Variants in EDEM2 observed in about 807,000 individuals in gnomAD.
EDEM2 encodes ER degradation enhancing alpha-mannosidase like protein 2.
A neutral mutation model predicts 64.8 loss-of-function variants in EDEM2; 39 were observed. The ratio of observed to expected loss-of-function variants is 0.60; its 90% CI spans 0.47 to 0.79. EDEM2 has a LOEUF of 0.79. EDEM2 is among the 30% of genes least tolerant of loss of function. The probability of loss-of-function intolerance (pLI) is 0.00; values close to 1 mark genes in which losing one functional copy is unlikely to be tolerated. For missense variants in EDEM2, 609 were observed against 731.3 expected (o/e 0.83, Z 1.93); for synonymous variants, 296 against 291.5 (o/e 1.02, Z -0.16).
intron 8 of EDEM2, 130 bp downstream of exon 8, chr20:35,126,121 C>T: frequency 1.6e-6 from 2 of 1,220,648 alleles, no homozygotes; most frequent in East Asian, 5.0e-5. Flanking sequence ...GTCTCTCTTC[C>T]ATCCTCAACC....
At chr20:35,137,743 G>A in intron 5 of EDEM2, 137 bp downstream of exon 5, 1 of 1,268,456 alleles carries the variant, frequency 7.9e-7, no homozygotes, top group African/African-American at 1.5e-5. Flanking sequence ...TCCATGGTGG[G>A]TGCCTGGTGG....
rs546872041 is a variant in EDEM2 at position 35,124,157 on chromosome 20, CCAGTTACT to C, written c.970-131_970-124del. ...GGCCTTGAATCAATCCCTGAGTCTG[CCAGTTACT>C]CAGTGTGGTGCTGAGCCAGGCACTG... On this transcript the variant is annotated intron_variant, in intron 8 of 10. Coordinates refer to ENST00000374492, the MANE Select transcript of EDEM2 (RefSeq NM_018217.3). 8.9e-6 allele frequency: 11 copies of C among 1,237,284 alleles called. No individual in the cohort carries two copies. The Admixed American group carries it at 2.4e-4, about 27-fold the overall frequency. 76.6% of individuals were successfully genotyped at this position (1,237,284 alleles called of 1,614,324 possible).
intron 3 of EDEM2, among the ~76,000 whole-genome samples, chr20:35,143,042 G>A (rs571557520): frequency 6.6e-6 from 1 of 152,146 alleles, no homozygotes; most frequent in East Asian, 1.9e-4. Flanking sequence ...AGGTGTGAGC[G>A]ACCGCACCTG....
intron 4 of EDEM2, 52 bp downstream of exon 4, chr20:35,142,321 A>T: frequency 6.9e-7 from 1 of 1,449,424 alleles, no homozygotes; most frequent in Non-Finnish European, 9.6e-7. Context: ...TGGTTTACAG[A>T]GGCAACTTCA....
intron 9 of EDEM2, among the ~76,000 whole-genome samples, chr20:35,121,404 C>T (rs148850517): frequency 1.3e-5 from 2 of 152,122 alleles, no homozygotes; most frequent in South Asian, 2.1e-4. Flanking sequence ...AGACAAGAGG[C>T]GGAGCTCAGG....
At chr20:35,133,984 TC>T (rs1347838520) in intron 6 of EDEM2, 3 of 410,648 alleles carry the variant, frequency 7.3e-6, no homozygotes, top group Non-Finnish European at 1.4e-5. Flanking sequence ...TCACACAGTT[TC>T]GATGTAGCAA....
chr20:35,144,436 C>A (rs1003912936), intron 3 of EDEM2, among the ~76,000 whole-genome samples: 2 of 152,166 alleles, frequency 1.3e-5, no homozygotes, highest in Non-Finnish European at 2.9e-5. Flanking sequence ...CGGGTTCAGG[C>A]AATTCTCCTG....
intron 5 of EDEM2, among the ~76,000 whole-genome samples, chr20:35,136,386 G>A (rs1329905138): frequency 6.6e-6 from 1 of 152,174 alleles, no homozygotes; most frequent in Non-Finnish European, 1.5e-5. Flanking sequence ...CATGAGCCAT[G>A]AGCCATGAGT....
At chr20:35,147,003 C>G in intron 1 of EDEM2, 68 bp from the exon 2 acceptor site, 1 of 1,569,838 alleles carries the variant, frequency 6.4e-7, no homozygotes, top group South Asian at 1.2e-5. Flanking sequence ...GAACAAGATA[C>G]AGGGCGGAAA....
rs1170857871 is a variant in EDEM2, at chr20:35,134,764, A to G, written c.676T>C (p.Trp226Arg). ...AGCCCGATATCTGACCGGCTCTCCCAGAGGCGCATCAAAGCCACTCTGGCC... is the reference window on the plus strand; with the variant it reads ...AGCCCGATATCTGACCGGCTCTCCCGGAGGCGCATCAAAGCCACTCTGGCC... ...DVARVALMRLWESRSDIGLVG... is the reference protein window; with the variant it reads ...DVARVALMRLRESRSDIGLVG... The change falls in exon 6 of 11, where the codon TGG becomes CGG. Residue 226 changes from tryptophan to arginine, a missense_variant. Physicochemically the swap from Trp to Arg is moderately radical, Grantham distance 101. Transcript: ENST00000374492. The G allele has an allele frequency of 1.9e-6, 3 of 1,613,482 alleles. No individual in the cohort carries two copies. The highest frequency in any genetic ancestry group is 2.5e-6 in the Non-Finnish European group (3 of 1,180,016).
In EDEM2 at chr20:35,132,390, T is replaced by C. The variant is rs894266499; in HGVS notation, c.703-607A>G. 4.6e-5 allele frequency among the ~76,000 whole-genome samples: 7 copies of C among 152,108 alleles called. No homozygotes were observed. The East Asian group carries it at 5.8e-4, about 13-fold the overall frequency. ...AATGCCGGCCAGGCGCGGTGGCTCA[T>C]GCCTATAATCCCAGCACGTTGGGAG... On this transcript the variant is annotated intron_variant, in intron 6 of 10. Transcript: ENST00000374492.
At chr20:35,132,244 C>T (rs886192544) in intron 6 of EDEM2, among the ~76,000 whole-genome samples, 5 of 151,662 alleles carry the variant, frequency 3.3e-5, no homozygotes, top group Admixed American at 2.0e-4. Context: ...GGAGAGAAAC[C>T]GAATAGCTGG....
At chr20:35,143,866 A>G (rs529868766) in intron 3 of EDEM2, among the ~76,000 whole-genome samples, 1 of 149,902 alleles carries the variant, frequency 6.7e-6, no homozygotes, top group East Asian at 2.0e-4. Context: ...GAGCCACCAC[A>G]CCTGGCCCTT....
intron 7 of EDEM2, among the ~76,000 whole-genome samples, chr20:35,128,291 G>C (rs990706629): frequency 6.6e-6 from 1 of 151,054 alleles, no homozygotes; most frequent in African/African-American, 2.5e-5. Flanking sequence ...GCTGAGGCAG[G>C]AGAATGGCGT....
At chr20:35,117,173 A>G (rs1429174655) in intron 10 of EDEM2, 1 of 152,206 alleles carries the variant, frequency 6.6e-6, no homozygotes, top group East Asian at 1.9e-4. Flanking sequence ...ACTAGGTTCA[A>G]CTGCTGTTGA....
In EDEM2 at chr20:35,147,236, G is replaced by T. The variant is rs570334332; in HGVS notation, c.23C>A (p.Pro8Gln). MPFRLLI[P>Q]LGLLCALLPQ... ...CAGCAGCGCGCACAGGAGGCCGAGC[G>T]GGATGAGCAGCCGGAAAGGCATAGA... Residue 8 changes from proline to glutamine, a missense_variant, in exon 1 of 11, where the codon CCG becomes CAG. Pro to Gln is a moderately conservative substitution (Grantham distance 76). Coordinates refer to ENST00000374492, the MANE Select transcript of EDEM2 (RefSeq NM_018217.3). The T allele has an allele frequency of 1.9e-6, 3 of 1,594,478 alleles. No individual in the cohort carries two copies. The Admixed American group carries it at 5.2e-5, about 27-fold the overall frequency.
At chr20:35,116,167 CA>C (rs2085307502) in intron 10 of EDEM2, among the ~76,000 whole-genome samples, 1 of 152,138 alleles carries the variant, frequency 6.6e-6, no homozygotes, top group Non-Finnish European at 1.5e-5. Flanking sequence ...AGTTTATATA[CA>C]CACACTATTT....
chr20:35,143,743 G>A (rs759831712), intron 3 of EDEM2, among the ~76,000 whole-genome samples: 5 of 152,052 alleles, frequency 3.3e-5, no homozygotes, highest in Non-Finnish European at 7.4e-5. Context: ...TTGAGACAGG[G>A]TCTTGCTCTG....
chr20:35,142,362 G>T lies in EDEM2; in HGVS notation c.364+11C>A. 4 of 1,602,290 alleles carry T rather than the reference G, an allele frequency of 2.5e-6. No individual in the cohort carries two copies. The highest frequency in any genetic ancestry group is 3.4e-6 in the Non-Finnish European group (4 of 1,169,772). On this transcript the variant is annotated intron_variant, in intron 4 of 10. Transcript: ENST00000374492. ...TTTTTTCTTTTAAAGGTCCTAGAGA[G>T]CAGCCCTTACCTCGAATGTTTGTTT... is the stretch of plus-strand genomic sequence containing the variant.
Sources: allele counts gnomAD v4.1 joint callset (sites outside exome capture counted in the v4.1 genomes callset), GRCh38; gene constraint gnomAD v4.1.1; transcripts MANE v1.5; gene names NCBI Gene and HGNC (gene_info 2026-07-23, HGNC 2026-07-21).